OPCML: variants seen among roughly 807,000 people sequenced by gnomAD.
OPCML encodes the protein opioid binding protein/cell adhesion molecule like.
In OPCML, 13 loss-of-function variants were observed where a neutral mutation model predicts 37.8. The observed-to-expected ratio is 0.34, with a 90% CI of 0.22 to 0.55. The LOEUF is 0.55. Ranked by LOEUF, OPCML falls within the 20% of genes least tolerant of loss-of-function variation. The pLI is 0.91. For missense variants in OPCML, 341 were observed against 435.6 expected (o/e 0.78, Z 1.93); for synonymous variants, 176 against 168.8 (o/e 1.04, Z -0.33).
At chr11:133,094,603 A>G (rs1474681712) in intron 1 of OPCML, among the ~76,000 whole-genome samples, 1 of 152,206 alleles carries the variant, frequency 6.6e-6, no homozygotes, top group Non-Finnish European at 1.5e-5. Flanking sequence ...TATATTCTGC[A>G]GCTTCTATCA....
At chr11:132,505,026 A>G (rs1591475483) in intron 4 of OPCML, among the ~76,000 whole-genome samples, 4 of 152,196 alleles carry the variant, frequency 2.6e-5, no homozygotes, top group Non-Finnish European at 4.4e-5. Context: ...CAGAGATCTC[A>G]GAGGACAAGA....
intron 1 of OPCML, among the ~76,000 whole-genome samples, chr11:133,171,410 C>T (rs1373929209): frequency 2.0e-5 from 3 of 152,182 alleles, no homozygotes; most frequent in Non-Finnish European, 4.4e-5. Context: ...GAAGGGCAAC[C>T]GTGTGCCACA....
At chr11:133,015,983 G>T (rs1947326982) in intron 1 of OPCML, among the ~76,000 whole-genome samples, 1 of 152,026 alleles carries the variant, frequency 6.6e-6, no homozygotes, top group South Asian at 2.1e-4. Flanking sequence ...CATATCCAAG[G>T]CTCCTTGTGC....
At chr11:132,811,670 G>A (rs993870873) in intron 2 of OPCML, among the ~76,000 whole-genome samples, 24 of 152,100 alleles carry the variant, frequency 1.6e-4, no homozygotes, top group Non-Finnish European at 1.9e-4. Context: ...ACATGTTAAT[G>A]AACCCCCAAC....
At chr11:132,474,090 TGTGGGAGGGGACG>T (rs2096146799) in intron 4 of OPCML, among the ~76,000 whole-genome samples, 1 of 152,006 alleles carries the variant, frequency 6.6e-6, no homozygotes, top group African/African-American at 2.4e-5. Context: ...TGCTCGGGCC[TGTGGGAGGGGACG>T]ACTGGCCTAC....
At chr11:133,357,229 G>T (rs1944308987) in intron 1 of OPCML, among the ~76,000 whole-genome samples, 1 of 152,182 alleles carries the variant, frequency 6.6e-6, no homozygotes, top group South Asian at 2.1e-4. Flanking sequence ...AGCCTAATAA[G>T]TAAGAGGCAT....
chr11:132,690,486 A>C (rs1478365410), intron 2 of OPCML, among the ~76,000 whole-genome samples: 1 of 152,048 alleles, frequency 6.6e-6, no homozygotes, highest in Non-Finnish European at 1.5e-5. Flanking sequence ...GGAGTGTGTC[A>C]AAGGAAAGCT....
chr11:133,071,471 T>G, intron 1 of OPCML, among the ~76,000 whole-genome samples: 1 of 152,200 alleles, frequency 6.6e-6, no homozygotes, highest in Non-Finnish European at 1.5e-5. Flanking sequence ...AAATGAGTCT[T>G]GAAGATTTTT....
chr11:133,039,009 T>C (rs1947835542), intron 1 of OPCML, among the ~76,000 whole-genome samples: 1 of 152,202 alleles, frequency 6.6e-6, no homozygotes, highest in African/African-American at 2.4e-5. Context: ...TCAAAGCAGT[T>C]AGCAGTAAAG....
At chr11:133,421,307 G>A (rs1437105884) in intron 1 of OPCML, 24 of 985,202 alleles carry the variant, frequency 2.4e-5, no homozygotes, top group Non-Finnish European at 2.7e-5. Context: ...GGTCAGCTGT[G>A]GGCTCAAGAG....
chr11:133,170,182 G>T (rs1950268825), intron 1 of OPCML, among the ~76,000 whole-genome samples: 1 of 152,082 alleles, frequency 6.6e-6, no homozygotes, highest in South Asian at 2.1e-4. Context: ...AGAATAAAAG[G>T]ATATAGCCAG....
chr11:133,227,916 C>A (rs891135112), intron 1 of OPCML, among the ~76,000 whole-genome samples: 1 of 152,192 alleles, frequency 6.6e-6, no homozygotes, highest in Non-Finnish European at 1.5e-5. Context: ...TTGGGTCAGG[C>A]TTTGGCCCAG....
chr11:133,133,727 A>G (rs1949639031), intron 1 of OPCML, among the ~76,000 whole-genome samples: 1 of 152,142 alleles, frequency 6.6e-6, no homozygotes, highest in Admixed American at 6.5e-5. Flanking sequence ...CTTACACCAG[A>G]CTGCCAGCTT....
rs559498545 is a variant in OPCML at position 132,668,237 on chromosome 11, C to A, written c.147-10918G>T. ...AGAGGCAAGTTGGTTCTTCTAAGTT[C>A]ATATTGACAATATCAAGAATGATGA... On this transcript the variant is annotated intron_variant, in intron 2 of 7. Coordinates refer to ENST00000524381, the MANE Select transcript of OPCML (RefSeq NM_001012393.5). 5.8e-4 allele frequency among the ~76,000 whole-genome samples: 89 copies of A among 152,258 alleles called. 1 individual carries two copies. The highest frequency in any genetic ancestry group is 3.5e-3 in the South Asian group (17 of 4,826).
At chr11:132,568,645 G>C (rs193294801) in intron 3 of OPCML, among the ~76,000 whole-genome samples, 35 of 152,300 alleles carry the variant, frequency 2.3e-4, no homozygotes, top group Non-Finnish European at 4.0e-4. Flanking sequence ...GGGAAAGGGT[G>C]AGGAAATATT....
intron 1 of OPCML, among the ~76,000 whole-genome samples, chr11:133,382,543 C>T (rs1565604850): frequency 2.6e-5 from 4 of 152,154 alleles, no homozygotes; most frequent in Admixed American, 2.0e-4. Context: ...CCCAGGCAGC[C>T]GGCCAAAGAA....
At chr11:132,466,078 C>T (rs929661661) in intron 4 of OPCML, among the ~76,000 whole-genome samples, 14 of 152,148 alleles carry the variant, frequency 9.2e-5, no homozygotes, top group African/African-American at 2.7e-4. Context: ...GGCCAACTCC[C>T]CTTCCTACCA....
intron 2 of OPCML, among the ~76,000 whole-genome samples, chr11:132,728,519 C>T (rs911360964): frequency 6.6e-6 from 1 of 152,082 alleles, no homozygotes; most frequent in Non-Finnish European, 1.5e-5. Flanking sequence ...CTACTAATTA[C>T]TTTTCTCTCT....
chr11:133,339,316 G>C (rs1325504891), intron 1 of OPCML, among the ~76,000 whole-genome samples: 1 of 152,170 alleles, frequency 6.6e-6, no homozygotes, highest in Non-Finnish European at 1.5e-5. Flanking sequence ...AGATGAAAAA[G>C]CTTGAGACTC....
Sources: allele counts gnomAD v4.1 joint callset (sites outside exome capture counted in the v4.1 genomes callset), GRCh38; gene constraint gnomAD v4.1.1; transcripts MANE v1.5; gene names NCBI Gene and HGNC (gene_info 2026-07-23, HGNC 2026-07-21).